Variants in CEP85L observed in about 807,000 individuals in gnomAD.
CEP85L encodes centrosomal protein of 85 kDa-like.
Under a neutral mutation model 100.3 loss-of-function variants are expected in CEP85L, and 60 were observed. That is an observed-to-expected ratio of 0.60 (90% CI 0.49 to 0.74). The LOEUF is 0.74. CEP85L is among the 30% of genes least tolerant of loss of function. CEP85L has a pLI of 0.00. For synonymous variants in CEP85L, 319 were observed against 322.7 expected (o/e 0.99, Z 0.12); for missense variants, 973 against 936.2 (o/e 1.04, Z -0.51).
At chr6:118,583,625 C>A (rs145362409) in intron 2 of CEP85L, among the ~76,000 whole-genome samples, 1 of 152,134 alleles carries the variant, frequency 6.6e-6, no homozygotes, top group Non-Finnish European at 1.5e-5. Context: ...ATAACCACTA[C>A]GCCAGTCCAG....
At chr6:118,576,318 C>G (rs1160749086) in intron 2 of CEP85L, among the ~76,000 whole-genome samples, 1 of 152,172 alleles carries the variant, frequency 6.6e-6, no homozygotes, top group African/African-American at 2.4e-5. Flanking sequence ...TCAAACCCAC[C>G]TGGGAAGGAC....
At chr6:118,641,761 T>C (rs916856540) in intron 1 of CEP85L, among the ~76,000 whole-genome samples, 11 of 151,642 alleles carry the variant, frequency 7.3e-5, no homozygotes, top group African/African-American at 2.7e-4. Context: ...AATGTAAGTA[T>C]AAACAAACAA....
intron 5 of CEP85L, among the ~76,000 whole-genome samples, chr6:118,507,816 C>T (rs1349075383): frequency 6.6e-6 from 1 of 152,160 alleles, no homozygotes; most frequent in African/African-American, 2.4e-5. Flanking sequence ...GGAAGCCTGG[C>T]CAGGCTTTTG....
chr6:118,616,790 C>G (rs1225605650), intron 2 of CEP85L, among the ~76,000 whole-genome samples: 1 of 150,818 alleles, frequency 6.6e-6, no homozygotes, highest in Non-Finnish European at 1.5e-5. Context: ...AGTAAAAATA[C>G]AAAAATTAGC....
intron 3 of CEP85L, among the ~76,000 whole-genome samples, chr6:118,533,258 A>G (rs1463771933): frequency 6.6e-6 from 1 of 152,160 alleles, no homozygotes; most frequent in Non-Finnish European, 1.5e-5. Flanking sequence ...GAAAAAAAGA[A>G]GAGGCAAGTT....
chr6:118,481,359 T>A (rs1378905073), intron 8 of CEP85L, among the ~76,000 whole-genome samples: 1 of 152,116 alleles, frequency 6.6e-6, no homozygotes, highest in African/African-American at 2.4e-5. Context: ...ATCAATATAT[T>A]GCTTCAAAAT....
At chr6:118,642,949 G>A (rs1430820660) in intron 1 of CEP85L, among the ~76,000 whole-genome samples, 8 of 152,254 alleles carry the variant, frequency 5.3e-5, no homozygotes, top group South Asian at 2.1e-4. Flanking sequence ...TAACAGCCAC[G>A]TATTTAGTTT....
At position 118,597,971 on chromosome 6, in the gene CEP85L, T is replaced by C. The variant is rs76007137; in HGVS notation, c.233-31655A>G. 8.5e-3 allele frequency among the ~76,000 whole-genome samples: 1,301 copies of C among 152,304 alleles called. 16 individuals are homozygous for C. Among genetic ancestry groups the C allele is most frequent in the African/African-American group, 0.03 (1,236 of 41,568 alleles). The stretch of plus-strand genomic sequence containing the variant: ...GAAGTCAGTGACTATAAGAAGATTA[T>C]TGAGTTTTGAAGCCAAAGCTTCAAA... On this transcript the variant is annotated intron_variant, in intron 2 of 12. Coordinates refer to ENST00000368491, the MANE Select transcript of CEP85L (RefSeq NM_001042475.3).
chr6:118,525,722 G>C (rs1342723850), intron 3 of CEP85L, among the ~76,000 whole-genome samples: 1 of 152,178 alleles, frequency 6.6e-6, no homozygotes, highest in Non-Finnish European at 1.5e-5. Context: ...AGAACTGTGA[G>C]ACAATTTCTG....
At chr6:118,649,188 AAC>A (rs956540185) in intron 1 of CEP85L, among the ~76,000 whole-genome samples, 1 of 152,188 alleles carries the variant, frequency 6.6e-6, no homozygotes, top group African/African-American at 2.4e-5. Flanking sequence ...AAAGGGAAGA[AAC>A]ACAATAAATA....
chr6:118,648,429 TTTC>T (rs1775340284), intron 1 of CEP85L, among the ~76,000 whole-genome samples: 1 of 151,920 alleles, frequency 6.6e-6, no homozygotes, highest in African/African-American at 2.4e-5. Flanking sequence ...TAAAAAAAAA[TTTC>T]TTCTGATTTT....
intron 1 of CEP85L, among the ~76,000 whole-genome samples, chr6:118,637,374 CA>C (rs1387184041): frequency 6.6e-6 from 1 of 151,928 alleles, no homozygotes; most frequent in African/African-American, 2.4e-5. Flanking sequence ...CAGAAGGACA[CA>C]AAAAGTAAGC....
chr6:118,541,067 G>GT, intron 3 of CEP85L, among the ~76,000 whole-genome samples: 1 of 152,128 alleles, frequency 6.6e-6, no homozygotes, highest in Non-Finnish European at 1.5e-5. Flanking sequence ...AAAAATCAAT[G>GT]TATTAATACT....
At chr6:118,511,176 T>C in intron 5 of CEP85L, 122 bp downstream of exon 5, 1 of 685,132 alleles carries the variant, frequency 1.5e-6, no homozygotes, top group Non-Finnish European at 2.5e-6. Context: ...CACATATAAA[T>C]AAATATAAAT....
At position 118,600,300 on chromosome 6, in the gene CEP85L, G is replaced by GGGTGTGTGTGTGTGTGT. The variant is rs1562297733; in HGVS notation, c.232+32152_232+32153insACACACACACACACACC. Among the ~76,000 whole-genome samples, 16 of 52,236 alleles carry GGGTGTGTGTGTGTGTGT rather than the reference G, an allele frequency of 3.1e-4. 6 individuals carry two copies. Among genetic ancestry groups the GGGTGTGTGTGTGTGTGT allele is most frequent in the East Asian group, 1.2e-3 (2 of 1,682 alleles). 34.3% of individuals were successfully genotyped at this position (52,236 alleles called of 152,430 possible). ...CTGCCTGTCCCTGAGCCTTCCTGGG[G>GGGTGTGTGTGTGTGTGT]GTGTGTGTGTGTGTGTGTGTGTGTG... On this transcript the variant is annotated intron_variant, in intron 2 of 12. Transcript: ENST00000368491.
intron 2 of CEP85L, among the ~76,000 whole-genome samples, chr6:118,593,125 T>C (rs960578490): frequency 2.0e-5 from 3 of 152,126 alleles, no homozygotes; most frequent in Non-Finnish European, 4.4e-5. Context: ...CCTGGGAAGT[T>C]TTCATATTGT....
intron 1 of CEP85L, among the ~76,000 whole-genome samples, chr6:118,660,054 G>A (rs998898509): frequency 6.6e-6 from 1 of 152,242 alleles, no homozygotes. Context: ...GTAATCAGCA[G>A]ATGAGAGTGT....
At chr6:118,574,666 A>G (rs578108056) in intron 2 of CEP85L, among the ~76,000 whole-genome samples, 14 of 152,338 alleles carry the variant, frequency 9.2e-5, no homozygotes, top group African/African-American at 3.4e-4. Context: ...ACACAGGAAG[A>G]AAAAGCCTAC....
intron 5 of CEP85L, among the ~76,000 whole-genome samples, chr6:118,506,445 T>C (rs1317979148): frequency 2.0e-5 from 3 of 152,192 alleles, no homozygotes; most frequent in East Asian, 3.8e-4. Context: ...GAAGTGCACT[T>C]CTCAAGGAAG....
Sources: gnomAD v4.1 joint callset for allele counts (sites outside exome capture counted in the v4.1 genomes callset) on GRCh38, gnomAD v4.1.1 for gene constraint, MANE v1.5 for transcripts, NCBI Gene and HGNC (gene_info 2026-07-23, HGNC 2026-07-21) for gene names.